HIPK3: variants seen among roughly 807,000 people sequenced by gnomAD.
The protein encoded by HIPK3 is homeodomain interacting protein kinase 3.
In HIPK3, 47 loss-of-function variants were observed where a neutral mutation model predicts 124.2. The observed-to-expected ratio is 0.38, with a 90% confidence interval of 0.30 to 0.48. The LOEUF (loss-of-function observed/expected upper bound fraction) is 0.48, where lower values mean the gene tolerates loss of function less well. Among genes scored for constraint, HIPK3 ranks in the 20% least tolerant of loss-of-function variants. The probability of loss-of-function intolerance (pLI) is 0.98; values close to 1 mark genes in which losing one functional copy is unlikely to be tolerated. For missense variants in HIPK3, 1,286 were observed against 1,454.3 expected (o/e 0.88, Z 1.88); for synonymous variants, 482 against 515.2 (o/e 0.94, Z 0.87).
chr11:33,313,731 A>G (rs902586043), intron 2 of HIPK3, among the ~76,000 whole-genome samples: 1 of 152,248 alleles, frequency 6.6e-6, no homozygotes, highest in African/African-American at 2.4e-5. Context: ...GGTGTGCTCC[A>G]GAGCACCATG....
rs753374157 is a variant in HIPK3, at chr11:33,338,729, C to CT, written c.1342-22dup. The stretch of plus-strand genomic sequence containing the variant: ...TTAAAGAAATTTGTAATAATGTATT[C>CT]TTTTTTCCCTTTGATATATGCAATA... On this transcript the variant is annotated intron_variant, in intron 4 of 16. Coordinates refer to ENST00000303296, the MANE Select transcript of HIPK3 (RefSeq NM_005734.5). The CT allele has an allele frequency of 4.9e-6, 7 of 1,439,874 alleles. No homozygotes were observed. The Admixed American group carries it at 8.7e-5, about 18-fold the overall frequency. The allele number at this position is 1,439,874 out of a possible 1,614,324, so 89.2% of individuals were successfully genotyped here.
chr11:33,323,093 T>A (rs919557656), intron 2 of HIPK3, among the ~76,000 whole-genome samples: 1 of 152,126 alleles, frequency 6.6e-6, no homozygotes, highest in African/African-American at 2.4e-5. Context: ...GATGAATGGA[T>A]AAATAAAATA....
chr11:33,281,244 GTT>G (rs975643225), intron 1 of HIPK3, among the ~76,000 whole-genome samples: 2 of 151,314 alleles, frequency 1.3e-5, no homozygotes, highest in African/African-American at 4.8e-5. Context: ...TAATTTTTGT[GTT>G]TTTACAAGTG....
In HIPK3 at chr11:33,353,168, C is replaced by G; in HGVS notation, c.3248C>G (p.Thr1083Ser). 3.1e-6 allele frequency: 5 copies of G among 1,613,806 alleles called. No homozygotes were observed. The highest frequency in any genetic ancestry group is 2.5e-6 in the Non-Finnish European group (3 of 1,179,906). Residue 1083 changes from threonine to serine, a missense_variant, in exon 17 of 17, where the codon ACT becomes AGT. Around this residue, in one of 3 missense-constraint regions of HIPK3, gnomAD observed 810 missense variants for 864.9 expected, o/e 0.94. Transcript: ENST00000303296. The part of the protein sequence containing the change: ...GHRRQQAYIP[T>S]SVTSNPFTLS... ...AGAAGACAGCAAGCTTATATTCCTA[C>G]TAGTGTTACCAGTAATCCATTCACT...
rs376485239 is a variant in HIPK3, at chr11:33,308,012, CTG to C, written c.1098-20495_1098-20494del. On this transcript the variant is annotated intron_variant, in intron 2 of 16. Transcript: ENST00000303296. ...GAAGTGTTTACCTTCCCTAAAGTAACTGTGATATTTTCCTGTTTCCTTTTTAA... is the reference window on the plus strand; with the variant it reads ...GAAGTGTTTACCTTCCCTAAAGTAACTGATATTTTCCTGTTTCCTTTTTAA... Among the ~76,000 whole-genome samples, 447 of 152,156 alleles carry C rather than the reference CTG, an allele frequency of 2.9e-3. 28 individuals carry two copies. The South Asian group carries it at 0.089, about 30-fold the overall frequency.
chr11:33,321,589 G>A (rs773131713), intron 2 of HIPK3, among the ~76,000 whole-genome samples: 5 of 152,188 alleles, frequency 3.3e-5, no homozygotes, highest in Non-Finnish European at 7.3e-5. Context: ...TAAGAATGTG[G>A]AAGCTGTCTT....
In HIPK3 at chr11:33,353,213, A is replaced by G. The variant is rs200223965; in HGVS notation, c.3293A>G (p.Asn1098Ser). ...TTCACTCTTTCTCATGGAAGTCCCA[A>G]TCACACAGCAGTGCATGCCCACCTG... ...NPFTLSHGSP[N>S]HTAVHAHLAG... The change falls in exon 17 of 17, where the codon AAT becomes AGT. Residue 1098 changes from asparagine to serine, a missense_variant. Coordinates refer to ENST00000303296, the MANE Select transcript of HIPK3 (RefSeq NM_005734.5). The G allele has an allele frequency of 1.7e-4, 268 of 1,613,936 alleles. No homozygotes were observed. The highest frequency in any genetic ancestry group is 2.1e-4 in the Non-Finnish European group (249 of 1,179,948).
rs144907072 is a variant in HIPK3, at chr11:33,286,743, G to A, written c.329G>A (p.Gly110Glu). 2.5e-3 allele frequency: 4,090 copies of A among 1,614,044 alleles called. 9 individuals are homozygous for A. Among genetic ancestry groups the A allele is most frequent in the Non-Finnish European group, 3.2e-3 (3,748 of 1,180,008 alleles). ...QQAHVQAPQI[G>E]AWRNRLHFLE... ...GCTCACGTGCAGGCACCTCAGATTG[G>A]GGCGTGGCGAAACAGATTGCATTTC... Residue 110 changes from glycine to glutamate, a missense_variant, in exon 2 of 17, where the codon GGG (glycine) becomes GAG (glutamate). By Grantham distance (98) the Gly-to-Glu change is moderately conservative. Coordinates refer to ENST00000303296, the MANE Select transcript of HIPK3 (RefSeq NM_005734.5).
chr11:33,341,230 G>C, intron 7 of HIPK3, 103 bp downstream of exon 7: 1 of 756,382 alleles, frequency 1.3e-6, no homozygotes, highest in Non-Finnish European at 2.1e-6. Context: ...AGAATGTACA[G>C]TGCTGTGAGG....
chr11:33,291,021 A>G (rs1044828494), intron 2 of HIPK3, among the ~76,000 whole-genome samples: 5 of 152,164 alleles, frequency 3.3e-5, no homozygotes, highest in African/African-American at 1.2e-4. Flanking sequence ...CTAAAAATAG[A>G]TTTTATGTCA....
chr11:33,343,247 T>TTGTGTGTGTG lies in HIPK3; in HGVS notation c.1897+1595_1897+1604dup, dbSNP rs3884092. ...TTTGATTCTGAAGGATTATTTGATT[T>TTGTGTGTGTG]TGTGTGTGTGTGTGTGTGTGTGTGT... On this transcript the variant is annotated intron_variant, in intron 8 of 16. Transcript: ENST00000303296. Among the ~76,000 whole-genome samples the TTGTGTGTGTG allele has an allele frequency of 9.6e-3, 1,354 of 141,448 alleles. 22 individuals carry two copies. The highest frequency in any genetic ancestry group is 0.049 in the Admixed American group (696 of 14,062). 92.8% of individuals were successfully genotyped at this position (141,448 alleles called of 152,430 possible).
At chr11:33,317,182 G>A (rs1852527774) in intron 2 of HIPK3, among the ~76,000 whole-genome samples, 1 of 151,762 alleles carries the variant, frequency 6.6e-6, no homozygotes, top group Non-Finnish European at 1.5e-5. Flanking sequence ...TATTGGCCAA[G>A]GCTGGTCTTG....
chr11:33,258,819 G>A, intron 1 of HIPK3: 1 of 755,870 alleles, frequency 1.3e-6, no homozygotes, highest in Non-Finnish European at 1.6e-6. Context: ...GCCTTGAACC[G>A]TGTTTTCACA....
At chr11:33,259,668 T>G (rs1047325562) in intron 1 of HIPK3, among the ~76,000 whole-genome samples, 1 of 152,202 alleles carries the variant, frequency 6.6e-6, no homozygotes, top group African/African-American at 2.4e-5. Context: ...AGATTTTTCT[T>G]TTTTGAAATT....
In HIPK3 at chr11:33,304,583, G is replaced by T. The variant is rs534660983; in HGVS notation, c.1097+17072G>T. Among the ~76,000 whole-genome samples, 3 of 152,070 alleles carry T rather than the reference G, an allele frequency of 2.0e-5. No individual in the cohort carries two copies. The South Asian group carries it at 6.2e-4, about 32-fold the overall frequency. On this transcript the variant is annotated intron_variant, in intron 2 of 16. Transcript: ENST00000303296. ...AAAAAAAAAAAAAGAGGTAATGGAA[G>T]CTCTGTCAGACAAAATTTGATAATA...
intron 3 of HIPK3, among the ~76,000 whole-genome samples, chr11:33,334,206 T>C (rs778841585): frequency 1.3e-5 from 2 of 152,094 alleles, no homozygotes; most frequent in Admixed American, 6.5e-5. Context: ...AATATAGTTA[T>C]AATAATTATA....
intron 1 of HIPK3, among the ~76,000 whole-genome samples, chr11:33,282,680 C>CA (rs61598767): frequency 8.3e-4 from 121 of 146,558 alleles, no homozygotes; most frequent in Non-Finnish European, 1.0e-3. Flanking sequence ...GAGACTGTAT[C>CA]AAAAAAAAAA....
chr11:33,310,370 A>G (rs964489808), intron 2 of HIPK3, among the ~76,000 whole-genome samples: 1 of 151,756 alleles, frequency 6.6e-6, no homozygotes, highest in Non-Finnish European at 1.5e-5. Flanking sequence ...CAGTGGCACC[A>G]TCTTGGCTCA....
intron 1 of HIPK3, chr11:33,258,790 G>GT: frequency 1.1e-6 from 1 of 921,208 alleles, no homozygotes; most frequent in Non-Finnish European, 1.3e-6. Context: ...TTGTTACAGA[G>GT]TAGTCGTAAC....
Sources: gnomAD v4.1 joint callset for allele counts (sites outside exome capture counted in the v4.1 genomes callset) on GRCh38, gnomAD v4.1.1 for gene constraint, gnomAD v4.1.1 regional missense constraint, MANE v1.5 for transcripts, NCBI Gene and HGNC (gene_info 2026-07-23, HGNC 2026-07-21) for gene names.